EFR3A: variants seen among roughly 807,000 people sequenced by gnomAD.
EFR3A encodes the protein protein EFR3 homolog A.
A neutral mutation model predicts 104.4 loss-of-function variants in EFR3A; 76 were observed. The ratio of observed to expected loss-of-function variants is 0.73; its 90% CI spans 0.60 to 0.88. The LOEUF (loss-of-function observed/expected upper bound fraction) is 0.88, where lower values mean the gene tolerates loss of function less well. Among genes scored for constraint, EFR3A ranks in the 40% least tolerant of loss-of-function variants. The pLI is 0.00. For synonymous variants in EFR3A, 330 were observed against 330.0 expected (o/e 1.00, Z 0.00); for missense variants, 985 against 1,012.5 (o/e 0.97, Z 0.37).
intron 1 of EFR3A, among the ~76,000 whole-genome samples, chr8:131,919,298 A>G (rs1282933081): frequency 2.6e-5 from 4 of 152,178 alleles, no homozygotes; most frequent in Non-Finnish European, 4.4e-5. Flanking sequence ...TTTGCATACC[A>G]TAAAATTTAC....
chr8:131,904,185 C>G lies in EFR3A; in HGVS notation c.-128C>G. ...GCGGGGTCCGCGTCCGCTCCCTCCA[C>G]CCTTCGCCCTTCGCCCTTCGCCTCG... On this transcript the variant is annotated 5_prime_UTR_variant, in exon 1 of 23. Transcript: ENST00000254624. The G allele has an allele frequency of 9.3e-7, 1 of 1,072,478 alleles. No homozygotes were observed. The highest frequency in any genetic ancestry group is 1.2e-6 in the Non-Finnish European group (1 of 839,412). 66.4% of individuals were successfully genotyped at this position (1,072,478 alleles called of 1,614,324 possible). A position where few individuals can be genotyped will look rare whatever the true frequency, so the allele number is the denominator to read the frequency against.
At chr8:131,954,585 A>G (rs1383763840) in intron 6 of EFR3A, among the ~76,000 whole-genome samples, 3 of 151,172 alleles carry the variant, frequency 2.0e-5, no homozygotes, top group South Asian at 2.1e-4. Context: ...TATCCCCCAC[A>G]TTTCTGTTGC....
intron 1 of EFR3A, among the ~76,000 whole-genome samples, chr8:131,910,130 C>G (rs147686841): frequency 6.6e-6 from 1 of 152,186 alleles, no homozygotes; most frequent in African/African-American, 2.4e-5. Context: ...ATAGATAGTT[C>G]CAAGCATCTC....
intron 5 of EFR3A, among the ~76,000 whole-genome samples, chr8:131,950,619 T>C (rs1304141767): frequency 6.6e-6 from 1 of 152,162 alleles, no homozygotes; most frequent in African/African-American, 2.4e-5. Context: ...TATCTCCTTG[T>C]TTCTTGCTCC....
chr8:131,968,462 G>A (rs6471017), intron 9 of EFR3A, 32 bp downstream of exon 9: 1,348,677 of 1,607,740 alleles, frequency 0.84, 567,597 homozygotes, highest in African/African-American at 0.97. Context: ...AAAATAGTGC[G>A]TTGATCTGGT....
intron 12 of EFR3A, among the ~76,000 whole-genome samples, chr8:131,977,955 C>A (rs1295042302): frequency 6.6e-6 from 1 of 152,052 alleles, no homozygotes; most frequent in Non-Finnish European, 1.5e-5. Flanking sequence ...TTTTAGCTCT[C>A]TACATTTAGA....
chr8:131,976,755 A>C (rs1820344714), intron 11 of EFR3A, among the ~76,000 whole-genome samples: 1 of 152,020 alleles, frequency 6.6e-6, no homozygotes, highest in African/African-American at 2.4e-5. Context: ...AGGTACCTTA[A>C]TTTGGGTTGT....
At chr8:131,916,674 AT>A (rs1385886187) in intron 1 of EFR3A, among the ~76,000 whole-genome samples, 1 of 152,182 alleles carries the variant, frequency 6.6e-6, no homozygotes, top group East Asian at 1.9e-4. Context: ...CAGGTGGGTC[AT>A]TTTTTAAACA....
intron 8 of EFR3A, among the ~76,000 whole-genome samples, chr8:131,960,040 C>G (rs1819224687): frequency 6.6e-6 from 1 of 152,108 alleles, no homozygotes; most frequent in Non-Finnish European, 1.5e-5. Flanking sequence ...TGTATCTAGT[C>G]TCCTATGTAT....
intron 1 of EFR3A, among the ~76,000 whole-genome samples, chr8:131,910,444 T>G (rs1332291049): frequency 1.3e-5 from 2 of 152,026 alleles, no homozygotes; most frequent in African/African-American, 4.8e-5. Flanking sequence ...GCTAATTGTT[T>G]TGTATTTGAG....
intron 8 of EFR3A, among the ~76,000 whole-genome samples, chr8:131,964,530 T>A (rs949074782): frequency 6.6e-6 from 1 of 152,118 alleles, no homozygotes; most frequent in African/African-American, 2.4e-5. Context: ...GTGAAGGACC[T>A]CTTCAAGGAG....
intron 1 of EFR3A, among the ~76,000 whole-genome samples, chr8:131,931,628 T>C (rs1482191320): frequency 6.6e-6 from 1 of 152,154 alleles, no homozygotes; most frequent in African/African-American, 2.4e-5. Context: ...ATGCCTTATA[T>C]GTAGTAGACA....
intron 1 of EFR3A, among the ~76,000 whole-genome samples, chr8:131,926,416 T>C (rs1264210739): frequency 1.3e-5 from 2 of 152,118 alleles, no homozygotes; most frequent in Non-Finnish European, 2.9e-5. Context: ...ATGATGAAAT[T>C]GAAGAAATAA....
At chr8:131,964,654 T>C (rs1047835037) in intron 8 of EFR3A, among the ~76,000 whole-genome samples, 1 of 152,150 alleles carries the variant, frequency 6.6e-6, no homozygotes, top group South Asian at 2.1e-4. Context: ...CCCAAGGTAA[T>C]TTATAGATTC....
chr8:131,989,539 ACAC>A (rs1413410767), intron 18 of EFR3A, among the ~76,000 whole-genome samples: 2 of 152,190 alleles, frequency 1.3e-5, no homozygotes, highest in Non-Finnish European at 2.9e-5. Context: ...TGATTAGGTG[ACAC>A]CACTAACAGC....
At chr8:131,991,354 G>C (rs1323868615) in intron 18 of EFR3A, among the ~76,000 whole-genome samples, 1 of 152,098 alleles carries the variant, frequency 6.6e-6, no homozygotes, top group Non-Finnish European at 1.5e-5. Context: ...AACCATATCA[G>C]CTGCGTTCAA....
At chr8:131,906,418 C>G (rs1193244449) in intron 1 of EFR3A, among the ~76,000 whole-genome samples, 3 of 152,130 alleles carry the variant, frequency 2.0e-5, no homozygotes, top group African/African-American at 4.8e-5. Flanking sequence ...TTAATCCGTA[C>G]GAGTTTTAAT....
intron 19 of EFR3A, among the ~76,000 whole-genome samples, chr8:131,996,771 T>G (rs1821514307): frequency 6.6e-6 from 1 of 152,096 alleles, no homozygotes; most frequent in Non-Finnish European, 1.5e-5. Context: ...TAAAAGGAAC[T>G]GTAAAGTATA....
intron 1 of EFR3A, among the ~76,000 whole-genome samples, chr8:131,917,659 AT>A (rs1372149690): frequency 6.6e-6 from 1 of 152,172 alleles, no homozygotes; most frequent in Non-Finnish European, 1.5e-5. Flanking sequence ...GATTCTTTTA[AT>A]TTGTAAGAGT....
Sources: allele counts gnomAD v4.1 joint callset (sites outside exome capture counted in the v4.1 genomes callset), GRCh38; gene constraint gnomAD v4.1.1; transcripts MANE v1.5; gene names NCBI Gene and HGNC (gene_info 2026-07-23, HGNC 2026-07-21).